Variants in MTOR observed in about 807,000 individuals in gnomAD.
MTOR encodes mechanistic target of rapamycin kinase.
In MTOR, 70 loss-of-function variants were observed where a neutral mutation model predicts 319.8. The ratio of observed to expected loss-of-function variants is 0.22; its 90% confidence interval spans 0.18 to 0.27. The LOEUF is 0.27. Ranked by LOEUF, MTOR falls within the 10% of genes least tolerant of loss-of-function variation. MTOR has a pLI of 1.00. For missense variants in MTOR, 1,890 were observed against 3,274.4 expected, an observed-to-expected ratio of 0.58 and a Z score of 10.32; for synonymous variants, 1,183 against 1,211.4, an observed-to-expected ratio of 0.98 and a Z score of 0.49.
intron 25 of MTOR, among the ~76,000 whole-genome samples, chr1:11,205,527 A>C (rs1179170350): frequency 6.6e-6 from 1 of 152,218 alleles, no homozygotes; most frequent in Non-Finnish European, 1.5e-5. Flanking sequence ...GCTTGGCACA[A>C]AGTTAGTACT....
At chr1:11,178,605 G>T (rs1645057443) in intron 28 of MTOR, among the ~76,000 whole-genome samples, 1 of 152,168 alleles carries the variant, frequency 6.6e-6, no homozygotes, top group Non-Finnish European at 1.5e-5. Flanking sequence ...TCCTTTTCTT[G>T]TGATGCCTGC....
chr1:11,176,379 C>A (rs554850414), intron 28 of MTOR, among the ~76,000 whole-genome samples: 1 of 152,212 alleles, frequency 6.6e-6, no homozygotes, highest in African/African-American at 2.4e-5. Flanking sequence ...CGGCGCCTGT[C>A]GGAAAGTCCT....
Position 11,213,531 on chromosome 1 carries a change from C to T in MTOR, c.3153G>A (p.Thr1051=), listed in dbSNP as rs147272284. The change falls in exon 21 of 58, where the codon ACG becomes ACA. Residue 1051 remains threonine, a synonymous_variant. Coordinates refer to ENST00000361445, the MANE Select transcript of MTOR (RefSeq NM_004958.4). ...CAATTTGCTCAATGAGAAGAATGAT[C>T]GTGCTCTGAATTGAGGTGTTCATGA... ...FWVMNTSIQS[T]IILLIEQIVV... The T allele has an allele frequency of 9.3e-5, 150 of 1,614,026 alleles. No homozygotes were observed. The African/African-American group carries it at 1.6e-3, about 17-fold the overall frequency.
intron 19 of MTOR, among the ~76,000 whole-genome samples, chr1:11,224,780 C>T (rs1646777319): frequency 6.6e-6 from 1 of 152,048 alleles, no homozygotes; most frequent in African/African-American, 2.4e-5. Context: ...AAATAAAATA[C>T]CCACTTCTAA....
chr1:11,124,677 C>T, intron 46 of MTOR, 44 bp from the exon 47 acceptor site: 1 of 1,575,894 alleles, frequency 6.3e-7, no homozygotes, highest in Non-Finnish European at 8.7e-7. Context: ...CAGAGGTCCT[C>T]AGCTCTTCAG....
intron 9 of MTOR, 80 bp from the exon 10 acceptor site, chr1:11,241,761 G>C: frequency 1.3e-6 from 2 of 1,537,782 alleles, no homozygotes; most frequent in Non-Finnish European, 1.8e-6. Context: ...TTGGGGCAAG[G>C]AGAGCAGGTT....
chr1:11,261,568 G>A (rs745623392), intron 1 of MTOR, among the ~76,000 whole-genome samples: 6 of 152,076 alleles, frequency 3.9e-5, no homozygotes, highest in Non-Finnish European at 8.8e-5. Flanking sequence ...CCTATCCCAA[G>A]TATGTTCAGC....
At chr1:11,249,563 C>A (rs549556605) in intron 6 of MTOR, among the ~76,000 whole-genome samples, 1 of 144,400 alleles carries the variant, frequency 6.9e-6, no homozygotes, top group African/African-American at 2.5e-5. Context: ...GAGGACCCTG[C>A]GGCCTTCCGC....
At chr1:11,183,757 T>C (rs1645229673) in intron 28 of MTOR, among the ~76,000 whole-genome samples, 1 of 152,120 alleles carries the variant, frequency 6.6e-6, no homozygotes, top group Non-Finnish European at 1.5e-5. Context: ...GACTTGAGCT[T>C]TTGTGTGTGG....
chr1:11,206,455 C>T lies in MTOR; in HGVS notation c.3802-1752G>A, dbSNP rs61773701. On this transcript the variant is annotated intron_variant, in intron 25 of 57. Transcript: ENST00000361445. ...AATTACTTAACCCGTCAGTGCCTCA[C>T]GGTCCACATCTGTAAAGTGGGACAG... Among the ~76,000 whole-genome samples, 450 of 152,252 alleles carry T rather than the reference C, an allele frequency of 3.0e-3. 2 individuals are homozygous for T. The highest frequency in any genetic ancestry group is 5.0e-3 in the Non-Finnish European group (337 of 68,022).
At chr1:11,178,783 C>T (rs1645063728) in intron 28 of MTOR, among the ~76,000 whole-genome samples, 1 of 152,184 alleles carries the variant, frequency 6.6e-6, no homozygotes, top group Non-Finnish European at 1.5e-5. Context: ...TGACTCAAAA[C>T]TGAGGTGATA....
intron 3 of MTOR, among the ~76,000 whole-genome samples, chr1:11,258,097 G>A (rs1047513231): frequency 6.1e-5 from 8 of 130,644 alleles, no homozygotes; most frequent in Non-Finnish European, 1.2e-4. Flanking sequence ...GCAAGAGTGA[G>A]ACTCCATCTC....
rs2100411576 is a variant in MTOR at position 11,127,942 on chromosome 1, C to T, written c.6033+62G>A. 5 of 1,599,670 alleles carry T rather than the reference C, an allele frequency of 3.1e-6. No homozygotes were observed. The highest frequency in any genetic ancestry group is 1.3e-5 in the African/African-American group (1 of 74,584). ...ACCAATGCGAGGAAGAAAAACAATC[C>T]CACTTGCGCCCACCAGCTAAGGGAC... On this transcript the variant is annotated intron_variant, in intron 43 of 57. Transcript: ENST00000361445. This position sits in a 1 kb window ranked among gnomAD's most constrained non-coding sequence, Gnocchi z 5.5.
chr1:11,180,855 C>A (rs1189297887), intron 28 of MTOR, among the ~76,000 whole-genome samples: 1 of 151,488 alleles, frequency 6.6e-6, no homozygotes, highest in East Asian at 1.9e-4. Flanking sequence ...CGGCTCACTG[C>A]AACCTCTACC....
At chr1:11,156,055 A>G (rs1029989680) in intron 30 of MTOR, among the ~76,000 whole-genome samples, 2 of 152,074 alleles carry the variant, frequency 1.3e-5, no homozygotes, top group African/African-American at 4.8e-5. Flanking sequence ...CAGTGGTGCA[A>G]TCTCAGCTCA....
rs1307571446 is a variant in MTOR at position 11,144,974 on chromosome 1, T to C, written c.4758A>G (p.Ala1586=). The change falls in exon 33 of 58, where the codon GCA becomes GCG. Residue 1586 remains alanine (A), a synonymous_variant. Transcript: ENST00000361445. ...CAGAATAGTTGACACTTACCCCATA[T>C]GCCCGACTGTAACTCTCTCCTGCCA... ...TAMAGESYSR[A]YGAMVSCHML... is the part of the protein sequence containing the mutation. 4 of 1,614,004 alleles carry C rather than the reference T, an allele frequency of 2.5e-6. No homozygotes were observed. Among genetic ancestry groups the C allele is most frequent in the East Asian group, 2.2e-5 (1 of 44,902 alleles).
At chr1:11,223,188 T>C (rs1205387389) in intron 19 of MTOR, among the ~76,000 whole-genome samples, 4 of 150,646 alleles carry the variant, frequency 2.7e-5, no homozygotes, top group African/African-American at 9.8e-5. Context: ...TTTTTTTAAG[T>C]AGAGGGAAAA....
rs1648336837 is a variant in MTOR, at chr1:11,243,289, G to A, written c.1237C>T (p.Leu413Phe). 1 of 1,614,112 alleles carries A rather than the reference G, an allele frequency of 6.2e-7. No individual in the cohort carries two copies. Among genetic ancestry groups the A allele is most frequent in the South Asian group, 1.1e-5 (1 of 91,082 alleles). The change falls in exon 9 of 58, where the codon CTC (leucine) becomes TTC (phenylalanine). Residue 413 changes from leucine to phenylalanine, a missense_variant. By Grantham distance (22) the Leu-to-Phe change is conservative. Transcript: ENST00000361445. ...RPSAFTDTQY[L>F]QDTMNHVLSC... ...AGGACATGGTTCATGGTATCTTGGA[G>A]ATACTGGGTATCTGAGCACAGAAAA...
intron 11 of MTOR, 76 bp from the exon 12 acceptor site, chr1:11,238,693 A>G: frequency 7.5e-7 from 1 of 1,326,462 alleles, no homozygotes; most frequent in South Asian, 1.4e-5. Context: ...TGCTAGCTGA[A>G]TTTTCCATTT....
Sources: gnomAD v4.1 joint callset for allele counts (sites outside exome capture counted in the v4.1 genomes callset) on GRCh38, gnomAD v4.1.1 for gene constraint, Gnocchi (gnomAD v3.1) non-coding constraint, MANE v1.5 for transcripts, NCBI Gene and HGNC (gene_info 2026-07-23, HGNC 2026-07-21) for gene names.